Variants in ITPRID1 observed in about 807,000 individuals in gnomAD.
ITPRID1 encodes protein ITPRID1.
ITPRID1 carries 96 observed loss-of-function variants against 95.4 expected under a neutral mutation model. That is an observed-to-expected ratio of 1.01 (90% CI 0.85 to 1.19). The LOEUF (loss-of-function observed/expected upper bound fraction) is 1.19. ITPRID1 is among the 50% of genes most tolerant of loss of function. The pLI, the probability that ITPRID1 is intolerant of heterozygous loss-of-function variation, is 0.00. For synonymous variants in ITPRID1, 510 were observed against 453.6 expected, an observed-to-expected ratio of 1.12 and a Z score of -1.58; for missense variants, 1,339 against 1,252.9, an observed-to-expected ratio of 1.07 and a Z score of -1.04.
At chr7:31,522,739 CAATCTT>C (rs1368251652) in intron 1 of ITPRID1, among the ~76,000 whole-genome samples, 1 of 152,124 alleles carries the variant, frequency 6.6e-6, no homozygotes, top group Non-Finnish European at 1.5e-5. Context: ...GTGTAGAACA[CAATCTT>C]AAATTATAAG....
At chr7:31,523,984 C>T (rs1783348315) in intron 1 of ITPRID1, among the ~76,000 whole-genome samples, 1 of 152,134 alleles carries the variant, frequency 6.6e-6, no homozygotes, top group Admixed American at 6.5e-5. Context: ...GCTCTTTAGA[C>T]TAAAATGTCT....
intron 1 of ITPRID1, among the ~76,000 whole-genome samples, chr7:31,534,082 C>T (rs1044390437): frequency 1.3e-5 from 2 of 152,174 alleles, no homozygotes; most frequent in South Asian, 4.1e-4. Context: ...AGGTTGTGTG[C>T]TCCCTGTGAA....
chr7:31,588,691 A>G (rs1785733025), intron 10 of ITPRID1, among the ~76,000 whole-genome samples: 1 of 151,728 alleles, frequency 6.6e-6, no homozygotes, highest in South Asian at 2.1e-4. Context: ...ATTTGAGGAA[A>G]TGATAATAGC....
Position 31,577,871 on chromosome 7 carries a change from C to G in ITPRID1, c.607C>G (p.Arg203Gly). 6.3e-7 allele frequency: 1 copy of G among 1,589,920 alleles called. No individual in the cohort carries two copies. Among genetic ancestry groups the G allele is most frequent in the Non-Finnish European group, 8.6e-7 (1 of 1,168,186 alleles). The change falls in exon 9 of 15, where the codon CGA (arginine) becomes GGA (glycine). Residue 203 changes from arginine (R) to glycine (G), a missense_variant. Physicochemically the swap from Arg to Gly is moderately radical, Grantham distance 125 (BLOSUM62 -2). Coordinates refer to ENST00000615280, the MANE Select transcript of ITPRID1 (RefSeq NM_001257967.3). ...IENPNLYGRF[R>G]QLEILDHVTN... ...TTTCTTGTGTTGTGCAGGTCGTTTCCGACAGCTGGAAATCCTGGACCATGT... is the reference window on the plus strand; with the variant it reads ...TTTCTTGTGTTGTGCAGGTCGTTTCGGACAGCTGGAAATCCTGGACCATGT...
rs1791145933 is a variant in ITPRID1 at position 31,653,716 on chromosome 7, A to G, written c.*887A>G. 2.0e-5 allele frequency: 3 copies of G among 152,184 alleles called. No homozygotes were observed. The highest frequency in any genetic ancestry group is 2.0e-4 in the Admixed American group (3 of 15,280). 9.4% of individuals were successfully genotyped at this position (152,184 alleles called of 1,614,324 possible). ...ACTTGACTTTTCCCTTTTACTTCAT[A>G]ATTTTGGGGTCCTGAGGTTTATTTT... On this transcript the variant is annotated 3_prime_UTR_variant, in exon 15 of 15. Coordinates refer to ENST00000615280, the MANE Select transcript of ITPRID1 (RefSeq NM_001257967.3).
intron 10 of ITPRID1, among the ~76,000 whole-genome samples, chr7:31,594,358 T>C (rs1220706405): frequency 1.3e-5 from 2 of 152,332 alleles, no homozygotes; most frequent in East Asian, 3.9e-4. Flanking sequence ...ATAATATTTC[T>C]ACTGGGGGAA....
chr7:31,612,858 C>G (rs544607799), intron 10 of ITPRID1, among the ~76,000 whole-genome samples: 14 of 152,118 alleles, frequency 9.2e-5, no homozygotes, highest in Non-Finnish European at 7.4e-5. Context: ...TAGATCCACA[C>G]GAATATGTCA....
At chr7:31,621,552 A>G (rs1787895743) in intron 10 of ITPRID1, among the ~76,000 whole-genome samples, 1 of 148,284 alleles carries the variant, frequency 6.7e-6, no homozygotes, top group Non-Finnish European at 1.5e-5. Context: ...AGACAAGCAA[A>G]TGCTGAGAGA....
chr7:31,622,727 A>C (rs1788033249), intron 10 of ITPRID1, among the ~76,000 whole-genome samples: 2 of 152,186 alleles, frequency 1.3e-5, no homozygotes, highest in African/African-American at 2.4e-5. Context: ...CACATTCAAA[A>C]GCTAACAGAA....
chr7:31,582,633 T>C (rs929267091), intron 9 of ITPRID1, among the ~76,000 whole-genome samples: 10 of 152,274 alleles, frequency 6.6e-5, no homozygotes, highest in African/African-American at 2.4e-4. Flanking sequence ...CATTATTTTG[T>C]TTAATGATAA....
intron 1 of ITPRID1, among the ~76,000 whole-genome samples, chr7:31,515,937 A>G (rs1428443269): frequency 6.6e-6 from 1 of 152,204 alleles, no homozygotes; most frequent in African/African-American, 2.4e-5. Flanking sequence ...AGATGATAAA[A>G]GTACTGTGTT....
chr7:31,623,220 T>A (rs1465057108), intron 10 of ITPRID1, among the ~76,000 whole-genome samples: 2 of 152,088 alleles, frequency 1.3e-5, no homozygotes, highest in South Asian at 4.2e-4. Context: ...TTCCAATCAA[T>A]AGAAAAAGAG....
At position 31,654,930 on chromosome 7, in the gene ITPRID1, C is replaced by T. The variant is rs776152229; in HGVS notation, c.*2101C>T. Among the ~76,000 whole-genome samples the T allele has an allele frequency of 3.9e-5, 6 of 152,120 alleles. No homozygotes were observed. Among genetic ancestry groups the T allele is most frequent in the Non-Finnish European group, 8.8e-5 (6 of 67,998 alleles). The stretch of plus-strand genomic sequence containing the variant: ...AAGCCTTTGACTCAGCGGGGCCTTC[C>T]TACCCTTGGGACCACCACACTATTT... On this transcript the variant is annotated 3_prime_UTR_variant, in exon 15 of 15. Transcript: ENST00000615280.
In ITPRID1 at chr7:31,577,859, G is replaced by A. The variant is rs192648448; in HGVS notation, c.599-4G>A. 1.9e-6 allele frequency: 3 copies of A among 1,580,710 alleles called. No homozygotes were observed. Among genetic ancestry groups the A allele is most frequent in the Admixed American group, 3.6e-5 (2 of 54,966 alleles). On this transcript the variant is annotated splice_region_variant and splice_polypyrimidine_tract_variant and intron_variant, in intron 8 of 14. Transcript: ENST00000615280. Reference sequence around the variant, plus strand: ...GAAACTTTCGTGTTTCTTGTGTTGTGCAGGTCGTTTCCGACAGCTGGAAAT... The same window carrying A: ...GAAACTTTCGTGTTTCTTGTGTTGTACAGGTCGTTTCCGACAGCTGGAAAT...
chr7:31,625,724 T>A (rs1788399361), intron 10 of ITPRID1, among the ~76,000 whole-genome samples: 1 of 152,192 alleles, frequency 6.6e-6, no homozygotes, highest in Admixed American at 6.5e-5. Flanking sequence ...TATACATATG[T>A]ACCTAACCTG....
chr7:31,585,593 A>G (rs1785562625), intron 10 of ITPRID1, among the ~76,000 whole-genome samples: 1 of 152,186 alleles, frequency 6.6e-6, no homozygotes. Flanking sequence ...AGACAATTCT[A>G]GGTAAAGGCC....
chr7:31,658,307 T>C (rs1233078080), downstream of ITPRID1: 3 of 1,520,470 alleles, frequency 2.0e-6, no homozygotes, highest in South Asian at 1.2e-5. Flanking sequence ...CCCTTTTTTT[T>C]TTCTTCAAAA....
Position 31,604,239 on chromosome 7 carries a change from A to G in ITPRID1, c.1228+21048A>G, listed in dbSNP as rs538375822. Among the ~76,000 whole-genome samples, 186 of 152,210 alleles carry G rather than the reference A, an allele frequency of 1.2e-3. 1 individual carries two copies. The highest frequency in any genetic ancestry group is 2.3e-3 in the Non-Finnish European group (154 of 68,006). ...TTTACATTCTTAATTCATCCTTAAA[A>G]CCACCATGGGAGCAAGTGGATTTTA... On this transcript the variant is annotated intron_variant, in intron 10 of 14. Transcript: ENST00000615280.
chr7:31,634,214 A>T (rs553195333), intron 10 of ITPRID1, among the ~76,000 whole-genome samples: 8 of 152,292 alleles, frequency 5.3e-5, no homozygotes, highest in African/African-American at 1.2e-4. Context: ...GGTCCCCCTA[A>T]TTGGGAGGGT....
Sources: allele counts gnomAD v4.1 joint callset (sites outside exome capture counted in the v4.1 genomes callset), GRCh38; gene constraint gnomAD v4.1.1; transcripts MANE v1.5; gene names NCBI Gene and HGNC (gene_info 2026-07-23, HGNC 2026-07-21).